STAU2: variants seen among roughly 807,000 people sequenced by gnomAD.
STAU2 encodes staufen double-stranded RNA binding protein 2, also known as double-stranded RNA-binding protein Staufen homolog 2.
In STAU2, 20 loss-of-function variants were observed where a neutral mutation model predicts 65.9. The observed-to-expected ratio is 0.30, with a 90% CI of 0.21 to 0.44. STAU2 has a LOEUF of 0.44. STAU2 is among the 20% of genes least tolerant of loss of function. The pLI is 1.00. For synonymous variants in STAU2, 232 were observed against 233.9 expected (o/e 0.99, Z 0.07); for missense variants, 558 against 683.9 (o/e 0.82, Z 2.05).
At chr8:73,582,972 T>C (rs535440985) in intron 11 of STAU2, 142 bp from the exon 12 acceptor site, 1 of 657,218 alleles carries the variant, frequency 1.5e-6, no homozygotes, top group East Asian at 2.7e-5. Flanking sequence ...CCTGGGATGA[T>C]GGCTACAAAA....
intron 13 of STAU2, among the ~76,000 whole-genome samples, chr8:73,445,845 C>T (rs1818437535): frequency 6.6e-6 from 1 of 152,296 alleles, no homozygotes; most frequent in South Asian, 2.1e-4. Context: ...AGAGAAGATT[C>T]GGGGGAACTA....
chr8:73,516,440 C>T lies in STAU2; in HGVS notation c.1530+35572G>A, dbSNP rs368409430. Among the ~76,000 whole-genome samples the T allele has an allele frequency of 4.7e-4, 72 of 151,814 alleles. 1 individual carries two copies. In the East Asian group the frequency reaches 0.01, roughly 22 times the overall value. Reference sequence around the variant, plus strand: ...TAGAATATTTGGGGGTTTAAAAATGCCTTCAAATTTCTTCCATCAGAGGAT... The same window carrying T: ...TAGAATATTTGGGGGTTTAAAAATGTCTTCAAATTTCTTCCATCAGAGGAT... On this transcript the variant is annotated intron_variant, in intron 13 of 14. Transcript: ENST00000524300.
chr8:73,516,697 C>T (rs978078453), intron 13 of STAU2, among the ~76,000 whole-genome samples: 2 of 152,018 alleles, frequency 1.3e-5, no homozygotes, highest in Non-Finnish European at 1.5e-5. Context: ...AGAAGGTTAC[C>T]GCTTTTCAGT....
intron 13 of STAU2, among the ~76,000 whole-genome samples, chr8:73,541,507 AAT>A (rs1211745990): frequency 6.6e-6 from 1 of 152,208 alleles, no homozygotes; most frequent in Non-Finnish European, 1.5e-5. Flanking sequence ...CCACAGTTGC[AAT>A]ATGTTATCCA....
intron 13 of STAU2, among the ~76,000 whole-genome samples, chr8:73,498,778 A>G (rs1254299669): frequency 1.3e-5 from 2 of 151,840 alleles, no homozygotes; most frequent in Non-Finnish European, 2.9e-5. Flanking sequence ...CTGTATCCAT[A>G]TGTTTTTCAA....
chr8:73,724,408 T>C (rs906983184), intron 3 of STAU2, among the ~76,000 whole-genome samples: 1 of 152,162 alleles, frequency 6.6e-6, no homozygotes, highest in African/African-American at 2.4e-5. Flanking sequence ...CTTACGATGG[T>C]TCACCTTATG....
intron 5 of STAU2, among the ~76,000 whole-genome samples, chr8:73,681,484 A>T (rs977501933): frequency 2.6e-5 from 4 of 152,226 alleles, no homozygotes; most frequent in Non-Finnish European, 4.4e-5. Flanking sequence ...ATCTTGAAAC[A>T]AAGCCTCAGA....
intron 4 of STAU2, among the ~76,000 whole-genome samples, chr8:73,703,495 G>T (rs945727717): frequency 2.0e-5 from 3 of 152,104 alleles, no homozygotes; most frequent in Non-Finnish European, 4.4e-5. Context: ...TCTATATGAA[G>T]ACTTGTATAT....
At chr8:73,467,172 C>T (rs1819702610) in intron 13 of STAU2, among the ~76,000 whole-genome samples, 2 of 152,216 alleles carry the variant, frequency 1.3e-5, no homozygotes, top group Admixed American at 1.3e-4. Context: ...CTTTGATTCT[C>T]CAACTTCAAG....
chr8:73,628,103 C>G (rs1813825558), intron 6 of STAU2, among the ~76,000 whole-genome samples: 1 of 149,972 alleles, frequency 6.7e-6, no homozygotes, highest in Non-Finnish European at 1.5e-5. Flanking sequence ...GAAACAGGGT[C>G]TCGTTCTGTC....
At chr8:73,656,145 CT>C (rs1310718113) in intron 6 of STAU2, among the ~76,000 whole-genome samples, 1 of 152,084 alleles carries the variant, frequency 6.6e-6, no homozygotes, top group East Asian at 1.9e-4. Flanking sequence ...ATTTACAGAG[CT>C]TTTTTTCTTT....
At chr8:73,440,432 T>A (rs971135322) in intron 13 of STAU2, 2 of 152,248 alleles carry the variant, frequency 1.3e-5, no homozygotes, top group African/African-American at 4.8e-5. Context: ...GAAAATGGTG[T>A]CCCCGTTCCA....
intron 13 of STAU2, among the ~76,000 whole-genome samples, chr8:73,548,846 A>G (rs1436259306): frequency 1.4e-4 from 21 of 152,194 alleles, no homozygotes; most frequent in Admixed American, 5.2e-4. Context: ...AGAAGGGACG[A>G]TTTGCTAAAA....
chr8:73,612,750 A>C (rs1479900514), intron 9 of STAU2, among the ~76,000 whole-genome samples: 1 of 152,240 alleles, frequency 6.6e-6, no homozygotes, highest in Non-Finnish European at 1.5e-5. Flanking sequence ...TTGTGCAATC[A>C]AAAGAAATCC....
chr8:73,572,836 T>A (rs547326264), intron 12 of STAU2, among the ~76,000 whole-genome samples: 8 of 152,164 alleles, frequency 5.3e-5, no homozygotes, highest in East Asian at 3.9e-4. Flanking sequence ...GAAAACTGGC[T>A]CAAGACAGGG....
At chr8:73,690,144 C>A (rs376533112) in intron 4 of STAU2, among the ~76,000 whole-genome samples, 1 of 151,932 alleles carries the variant, frequency 6.6e-6, no homozygotes, top group East Asian at 1.9e-4. Flanking sequence ...CTGGCTAACA[C>A]AGTGAATCCC....
At chr8:73,724,830 G>A (rs577785472) in intron 3 of STAU2, among the ~76,000 whole-genome samples, 39 of 152,012 alleles carry the variant, frequency 2.6e-4, no homozygotes, top group African/African-American at 8.9e-4. Context: ...TAGGACTACA[G>A]GTGCACACCA....
chr8:73,597,206 T>C (rs944842820), intron 10 of STAU2, among the ~76,000 whole-genome samples: 3 of 151,410 alleles, frequency 2.0e-5, no homozygotes, highest in Admixed American at 6.6e-5. Context: ...AATAAAACAA[T>C]AAACCAAAAG....
intron 6 of STAU2, among the ~76,000 whole-genome samples, chr8:73,631,225 C>G (rs541190727): frequency 1.3e-5 from 2 of 152,150 alleles, no homozygotes; most frequent in African/African-American, 4.8e-5. Flanking sequence ...CATGGTGGTA[C>G]ACCCTTGTAG....
Sources: allele counts gnomAD v4.1 joint callset (sites outside exome capture counted in the v4.1 genomes callset), GRCh38; gene constraint gnomAD v4.1.1; transcripts MANE v1.5; gene names NCBI Gene and HGNC (gene_info 2026-07-23, HGNC 2026-07-21).